The following DLG2 variants were observed in gnomAD, a reference collection of about 807,000 sequenced individuals.
The protein encoded by DLG2 is disks large homolog 2.
In DLG2, 45 loss-of-function variants were observed where a neutral mutation model predicts 132.5. The observed-to-expected ratio is 0.34, with a 90% CI of 0.27 to 0.44. DLG2 has a LOEUF of 0.44. Among genes scored for constraint, DLG2 ranks in the 20% least tolerant of loss-of-function variants. The probability of loss-of-function intolerance (pLI) is 1.00; values close to 1 mark genes in which losing one functional copy is unlikely to be tolerated. For missense variants in DLG2, 1,045 were observed against 1,196.9 expected (o/e 0.87, Z 1.87); for synonymous variants, 424 against 419.6 (o/e 1.01, Z -0.13).
intron 3 of DLG2, chr11:85,286,124 T>C: frequency 2.2e-6 from 1 of 454,650 alleles, no homozygotes; most frequent in Non-Finnish European, 4.4e-6. Flanking sequence ...GAACAGAGAC[T>C]ATAAAACCAA....
intron 3 of DLG2, among the ~76,000 whole-genome samples, chr11:85,469,881 A>G (rs1225220088): frequency 1.3e-5 from 2 of 152,188 alleles, no homozygotes; most frequent in Non-Finnish European, 2.9e-5. Context: ...AATATGACCC[A>G]CCTAAATCAA....
intron 8 of DLG2, among the ~76,000 whole-genome samples, chr11:84,177,547 C>T (rs1357894329): frequency 6.6e-6 from 1 of 152,110 alleles, no homozygotes; most frequent in African/African-American, 2.4e-5. Flanking sequence ...GCCTGAGTTC[C>T]TCCTCAATAA....
At chr11:85,149,939 T>A (rs866788335) in intron 5 of DLG2, among the ~76,000 whole-genome samples, 10 of 152,012 alleles carry the variant, frequency 6.6e-5, no homozygotes, top group African/African-American at 2.4e-4. Context: ...TAAAATTACC[T>A]TTAATGCTGA....
chr11:83,699,592 C>T (rs1338981503), intron 18 of DLG2, among the ~76,000 whole-genome samples: 1 of 150,094 alleles, frequency 6.7e-6, no homozygotes, highest in African/African-American at 2.4e-5. Flanking sequence ...TGCCTGCAGT[C>T]CCAGTTACTT....
At chr11:85,019,909 A>G (rs570982186) in intron 6 of DLG2, among the ~76,000 whole-genome samples, 37 of 152,280 alleles carry the variant, frequency 2.4e-4, no homozygotes, top group African/African-American at 8.9e-4. Flanking sequence ...GCTATCGTGA[A>G]TAGTGCCGCA....
chr11:84,623,074 G>A (rs4283003), intron 6 of DLG2, among the ~76,000 whole-genome samples: 36,421 of 151,932 alleles, frequency 0.24, 4,718 homozygotes, highest in South Asian at 0.33. Context: ...GATCCTATCA[G>A]TTGTTTGAAG....
intron 6 of DLG2, among the ~76,000 whole-genome samples, chr11:84,550,684 G>T (rs940265837): frequency 6.6e-6 from 1 of 152,070 alleles, no homozygotes; most frequent in Non-Finnish European, 1.5e-5. Flanking sequence ...GTGGTCGATT[G>T]GCATATATAT....
At chr11:85,607,774 T>C (rs2080685762) in intron 2 of DLG2, among the ~76,000 whole-genome samples, 1 of 152,224 alleles carries the variant, frequency 6.6e-6, no homozygotes, top group Non-Finnish European at 1.5e-5. Context: ...AATTGTATCC[T>C]TCCTATTCAT....
At chr11:85,359,737 A>G (rs1204595443) in intron 3 of DLG2, among the ~76,000 whole-genome samples, 1 of 152,192 alleles carries the variant, frequency 6.6e-6, no homozygotes, top group Admixed American at 6.6e-5. Flanking sequence ...GGAGGGCGCA[A>G]CAACGTGAAC....
intron 18 of DLG2, among the ~76,000 whole-genome samples, chr11:83,726,033 GA>G (rs1265604557): frequency 6.6e-6 from 1 of 151,554 alleles, no homozygotes; most frequent in East Asian, 1.9e-4. Context: ...CCCTATGAGG[GA>G]AAAAAAAGTC....
intron 6 of DLG2, among the ~76,000 whole-genome samples, chr11:84,786,876 C>G (rs1469467050): frequency 6.6e-6 from 1 of 152,162 alleles, no homozygotes; most frequent in Admixed American, 6.5e-5. Flanking sequence ...CTAGACCTTC[C>G]TTTAATTAGG....
At chr11:84,014,766 A>G (rs2095079764) in intron 11 of DLG2, among the ~76,000 whole-genome samples, 1 of 152,104 alleles carries the variant, frequency 6.6e-6, no homozygotes, top group South Asian at 2.1e-4. Flanking sequence ...TTTCTCTTTC[A>G]CAATCCAATA....
At chr11:84,197,300 A>G (rs2096534647) in intron 8 of DLG2, among the ~76,000 whole-genome samples, 1 of 152,122 alleles carries the variant, frequency 6.6e-6, no homozygotes, top group South Asian at 2.1e-4. Flanking sequence ...ATTTTTGAAA[A>G]GGAAGGCTCT....
intron 16 of DLG2, among the ~76,000 whole-genome samples, chr11:83,838,145 CA>C (rs1261361023): frequency 6.6e-6 from 1 of 151,818 alleles, no homozygotes; most frequent in African/African-American, 2.4e-5. Context: ...ATTTATTCCT[CA>C]AAAAAATGAA....
intron 3 of DLG2, among the ~76,000 whole-genome samples, chr11:85,311,466 T>C (rs1313031518): frequency 1.3e-5 from 2 of 152,164 alleles, no homozygotes; most frequent in African/African-American, 4.8e-5. Flanking sequence ...ACAATCCAGT[T>C]GAAGACTCCA....
chr11:84,099,640 T>C (rs1009991439), intron 9 of DLG2, among the ~76,000 whole-genome samples: 11 of 151,522 alleles, frequency 7.3e-5, no homozygotes, highest in Non-Finnish European at 2.9e-5. Context: ...AGAAAAGGCA[T>C]GCAATAGTGC....
intron 11 of DLG2, among the ~76,000 whole-genome samples, chr11:84,008,842 G>A (rs892957535): frequency 2.6e-5 from 4 of 151,584 alleles, no homozygotes; most frequent in African/African-American, 9.7e-5. Flanking sequence ...TTCCTGGGAT[G>A]ACCCAGTTGT....
At chr11:83,718,971 A>G (rs2087582492) in intron 18 of DLG2, among the ~76,000 whole-genome samples, 1 of 152,162 alleles carries the variant, frequency 6.6e-6, no homozygotes, top group South Asian at 2.1e-4. Flanking sequence ...CAGAGCAGCA[A>G]TTCTCAATCC....
intron 18 of DLG2, among the ~76,000 whole-genome samples, chr11:83,667,552 C>T (rs540825055): frequency 6.8e-4 from 104 of 152,260 alleles, no homozygotes; most frequent in Middle Eastern, 3.4e-3. Flanking sequence ...GGTAGTTGGT[C>T]CAAAAATGCA....
Sources: gnomAD v4.1 joint callset for allele counts (sites outside exome capture counted in the v4.1 genomes callset) on GRCh38, gnomAD v4.1.1 for gene constraint, MANE v1.5 for transcripts, NCBI Gene and HGNC (gene_info 2026-07-23, HGNC 2026-07-21) for gene names.